ATP8A2: variants seen among roughly 807,000 people sequenced by gnomAD.
ATP8A2 encodes the protein phospholipid-transporting ATPase IB.
A neutral mutation model predicts 165.6 loss-of-function variants in ATP8A2; 100 were observed. The observed-to-expected ratio is 0.60, with a 90% CI of 0.51 to 0.71. The LOEUF is 0.71. Among genes scored for constraint, ATP8A2 ranks in the 30% least tolerant of loss-of-function variants. The pLI is 0.00. For synonymous variants in ATP8A2, 543 were observed against 548.8 expected (o/e 0.99, Z 0.15); for missense variants, 1,227 against 1,479.5 (o/e 0.83, Z 2.80).
At chr13:25,693,258 G>A (rs1395996141) in intron 24 of ATP8A2, among the ~76,000 whole-genome samples, 2 of 152,146 alleles carry the variant, frequency 1.3e-5, no homozygotes, top group Non-Finnish European at 2.9e-5. Context: ...TTGAGAATAA[G>A]GAACTGTTTG....
chr13:25,699,173 G>A lies in ATP8A2; in HGVS notation c.2212G>A (p.Ala738Thr), dbSNP rs753865306. 1.3e-6 allele frequency: 2 copies of A among 1,541,094 alleles called. No homozygotes were observed. The highest frequency in any genetic ancestry group is 1.8e-6 in the Non-Finnish European group (2 of 1,141,314). The change falls in exon 25 of 37, where the codon GCC becomes ACC. Residue 738 changes from alanine (A) to threonine (T), a missense_variant and splice_region_variant. Coordinates refer to ENST00000381655, the MANE Select transcript of ATP8A2 (RefSeq NM_016529.6). ...ATTTTCCCCTATACTCTTGTTTCAG[G>A]CCACAAGGGCAGCCATTACTCAGCA... ...LILLKEDSLD[A>T]TRAAITQHCT... is the part of the protein sequence containing the mutation.
chr13:25,832,393 C>G (rs1012434412), intron 28 of ATP8A2, among the ~76,000 whole-genome samples: 1 of 152,082 alleles, frequency 6.6e-6, no homozygotes, highest in Non-Finnish European at 1.5e-5. Flanking sequence ...TGTTGTCAAG[C>G]CAGCATCGTT....
chr13:25,915,619 C>A (rs913696509), intron 33 of ATP8A2, among the ~76,000 whole-genome samples: 1 of 152,176 alleles, frequency 6.6e-6, no homozygotes, highest in Non-Finnish European at 1.5e-5. Context: ...CTCTTGCCAG[C>A]GCTTCCCACT....
At chr13:25,845,027 G>A (rs1302293828) in intron 30 of ATP8A2, among the ~76,000 whole-genome samples, 2 of 152,206 alleles carry the variant, frequency 1.3e-5, no homozygotes, top group African/African-American at 2.4e-5. Context: ...ACTTTTCAAA[G>A]CACTCCTTTG....
intron 24 of ATP8A2, among the ~76,000 whole-genome samples, chr13:25,610,465 T>G (rs535973061): frequency 6.4e-4 from 97 of 152,312 alleles, no homozygotes; most frequent in African/African-American, 2.2e-3. Context: ...TTCTGTTTCA[T>G]TGGTCTATGT....
chr13:25,882,485 GT>G (rs1472336208), intron 33 of ATP8A2, among the ~76,000 whole-genome samples: 1 of 152,114 alleles, frequency 6.6e-6, no homozygotes, highest in Non-Finnish European at 1.5e-5. Flanking sequence ...AAAAGACTAA[GT>G]TCGTGAGAAA....
intron 27 of ATP8A2, among the ~76,000 whole-genome samples, chr13:25,807,230 C>T (rs932280811): frequency 6.6e-6 from 1 of 150,604 alleles, no homozygotes; most frequent in Non-Finnish European, 1.5e-5. Context: ...GTCCCTTATG[C>T]TTTTGGTGCC....
At chr13:25,538,540 G>T (rs1215002422) in intron 7 of ATP8A2, among the ~76,000 whole-genome samples, 2 of 152,090 alleles carry the variant, frequency 1.3e-5, no homozygotes, top group African/African-American at 4.8e-5. Context: ...TCCATGTTTT[G>T]CCCCTTTTCT....
At chr13:25,479,404 G>A (rs1186202030) in intron 2 of ATP8A2, among the ~76,000 whole-genome samples, 2 of 152,182 alleles carry the variant, frequency 1.3e-5, no homozygotes, top group Non-Finnish European at 2.9e-5. Flanking sequence ...AGGAATGTAA[G>A]TGTCAATTCT....
In ATP8A2 at chr13:25,865,196, C is replaced by T. The variant is rs138443318; in HGVS notation, c.3183+2788C>T. Reference sequence around the variant, plus strand: ...TGGGGAATTACTAAAAACATGCCCACGCCCTGTTCATTCCTGGGGGTCTAG... The same window carrying T: ...TGGGGAATTACTAAAAACATGCCCATGCCCTGTTCATTCCTGGGGGTCTAG... On this transcript the variant is annotated intron_variant, in intron 33 of 36. Transcript: ENST00000381655. Among the ~76,000 whole-genome samples, 375 of 152,228 alleles carry T rather than the reference C, an allele frequency of 2.5e-3. 1 individual carries two copies. Among genetic ancestry groups the T allele is most frequent in the African/African-American group, 8.5e-3 (352 of 41,524 alleles).
intron 2 of ATP8A2, among the ~76,000 whole-genome samples, chr13:25,514,036 A>G (rs138608146): frequency 9.7e-4 from 144 of 148,902 alleles, no homozygotes; most frequent in African/African-American, 3.4e-3. Flanking sequence ...GGGACTCTTA[A>G]TAGTTGGATA....
At chr13:25,544,501 G>A (rs968393853) in intron 10 of ATP8A2, among the ~76,000 whole-genome samples, 1 of 152,170 alleles carries the variant, frequency 6.6e-6, no homozygotes. Context: ...TTGGAGACAG[G>A]GAGGAGAGAT....
intron 24 of ATP8A2, among the ~76,000 whole-genome samples, chr13:25,644,517 A>ATT (rs35771674): frequency 0.3 from 44,118 of 147,604 alleles, 6,880 homozygotes; most frequent in South Asian, 0.44. Flanking sequence ...GGCTTGCAGT[A>ATT]TTTTTTTTTT....
intron 4 of ATP8A2, among the ~76,000 whole-genome samples, chr13:25,531,280 GTTATATATGAT>G (rs1289841728): frequency 2.8e-5 from 1 of 36,134 alleles, no homozygotes; most frequent in Non-Finnish European, 9.5e-5. Context: ...TGATATATAT[GTTATATATGAT>G]ATATATGTTA....
chr13:25,565,743 A>G (rs1251665076), intron 16 of ATP8A2, among the ~76,000 whole-genome samples: 3 of 149,770 alleles, frequency 2.0e-5, no homozygotes, highest in African/African-American at 4.9e-5. Context: ...ATTAGGTCCC[A>G]GCTGTTTATC....
chr13:25,661,117 A>C (rs1207562645), intron 24 of ATP8A2, among the ~76,000 whole-genome samples: 1 of 152,138 alleles, frequency 6.6e-6, no homozygotes, highest in Admixed American at 6.5e-5. Flanking sequence ...TGGGTATGGT[A>C]TTTAGATTCC....
At chr13:25,979,857 C>T (rs1037139272) in intron 35 of ATP8A2, among the ~76,000 whole-genome samples, 5 of 151,972 alleles carry the variant, frequency 3.3e-5, no homozygotes, top group Non-Finnish European at 7.4e-5. Context: ...ATGACACTGT[C>T]GGGGAAGAAA....
intron 25 of ATP8A2, among the ~76,000 whole-genome samples, chr13:25,705,893 A>G (rs138398079): frequency 6.6e-6 from 1 of 152,360 alleles, no homozygotes; most frequent in East Asian, 1.9e-4. Flanking sequence ...TTTTAAAAGC[A>G]TAATGGTGTT....
chr13:25,657,427 C>A (rs1052563752), intron 24 of ATP8A2, among the ~76,000 whole-genome samples: 4 of 152,134 alleles, frequency 2.6e-5, no homozygotes, highest in South Asian at 2.1e-4. Flanking sequence ...GAGACAGCAA[C>A]ATAAATGTCT....
Sources: gnomAD v4.1 joint callset for allele counts (sites outside exome capture counted in the v4.1 genomes callset) on GRCh38, gnomAD v4.1.1 for gene constraint, MANE v1.5 for transcripts, NCBI Gene and HGNC (gene_info 2026-07-23, HGNC 2026-07-21) for gene names.